KNTC1: variants seen among roughly 807,000 people sequenced by gnomAD.
KNTC1 encodes the protein kinetochore-associated protein 1.
A neutral mutation model predicts 314.4 loss-of-function variants in KNTC1; 253 were observed. That is an observed-to-expected ratio of 0.80 (90% CI 0.73 to 0.89). KNTC1 has a LOEUF of 0.89. Among genes scored for constraint, KNTC1 ranks in the 40% least tolerant of loss-of-function variants. KNTC1 has a pLI of 0.00. For missense variants in KNTC1, 2,475 were observed against 2,572.9 expected, an observed-to-expected ratio of 0.96 and a Z score of 0.82; for synonymous variants, 901 against 901.4, an observed-to-expected ratio of 1.00 and a Z score of 0.01.
rs776314260 is a variant in KNTC1, at chr12:122,573,134, G to A, written c.2140-8G>A. ...CTGTATTTATTCCATCTTTCTTTTGGCATCCAGGAAAATACAACCACCATA... is the reference window on the plus strand; with the variant it reads ...CTGTATTTATTCCATCTTTCTTTTGACATCCAGGAAAATACAACCACCATA... On this transcript the variant is annotated splice_polypyrimidine_tract_variant and splice_region_variant and intron_variant, in intron 25 of 63. Coordinates refer to ENST00000333479, the MANE Select transcript of KNTC1 (RefSeq NM_014708.6). The A allele has an allele frequency of 6.2e-7, 1 of 1,613,468 alleles. No individual in the cohort carries two copies. Among genetic ancestry groups the A allele is most frequent in the Admixed American group, 1.7e-5 (1 of 59,946 alleles).
chr12:122,559,561 C>A (rs7954088), intron 18 of KNTC1, among the ~76,000 whole-genome samples: 20,948 of 134,946 alleles, frequency 0.16, 1,821 homozygotes, highest in African/African-American at 0.25. Flanking sequence ...TTACCATTTT[C>A]ACCTTTTTAA....
intron 1 of KNTC1, among the ~76,000 whole-genome samples, chr12:122,527,893 G>A (rs1960871834): frequency 6.6e-6 from 1 of 152,122 alleles, no homozygotes; most frequent in South Asian, 2.1e-4. Context: ...TCCTTCTTCA[G>A]CGACGCCTCA....
At chr12:122,604,271 C>T (rs538587339) in intron 48 of KNTC1, among the ~76,000 whole-genome samples, 2 of 149,492 alleles carry the variant, frequency 1.3e-5, no homozygotes, top group African/African-American at 4.9e-5. Context: ...CTCAGCCTCT[C>T]GAGTAGCTGG....
intron 53 of KNTC1, among the ~76,000 whole-genome samples, chr12:122,612,607 C>T (rs964337365): frequency 6.0e-5 from 9 of 150,992 alleles, no homozygotes; most frequent in Non-Finnish European, 7.4e-5. Context: ...TTAGTAGAGA[C>T]GTGGGTTTCA....
At chr12:122,612,433 T>A (rs1204181938) in intron 53 of KNTC1, among the ~76,000 whole-genome samples, 1 of 148,134 alleles carries the variant, frequency 6.8e-6, no homozygotes, top group Admixed American at 6.9e-5. Context: ...TTTTTTTTTT[T>A]TGAGAGAGAG....
In KNTC1 at chr12:122,601,607, C is replaced by T. The variant is rs1172774224; in HGVS notation, c.4635C>T (p.Thr1545=). ...KVIERADEKI[T]NININQALSI... Reference sequence around the variant, plus strand: ...TAGAACGAGCTGATGAAAAGATAACCAATATTAATATTAATCAGGTATAAC... The same window carrying T: ...TAGAACGAGCTGATGAAAAGATAACTAATATTAATATTAATCAGGTATAAC... Residue 1545 remains threonine (T), a synonymous_variant, in exon 45 of 64, where the codon ACC becomes ACT. Coordinates refer to ENST00000333479, the MANE Select transcript of KNTC1 (RefSeq NM_014708.6). 2 of 1,526,624 alleles carry T rather than the reference C, an allele frequency of 1.3e-6. No individual in the cohort carries two copies. Among genetic ancestry groups the T allele is most frequent in the Admixed American group, 2.1e-5 (1 of 46,872 alleles). 94.6% of individuals were successfully genotyped at this position (1,526,624 alleles called of 1,614,324 possible). A position where few individuals can be genotyped will look rare whatever the true frequency, so the allele number is the denominator to read the frequency against.
intron 52 of KNTC1, among the ~76,000 whole-genome samples, chr12:122,609,769 C>CAGAT (rs1246506311): frequency 6.6e-6 from 1 of 152,128 alleles, no homozygotes; most frequent in Non-Finnish European, 1.5e-5. Context: ...TGGGTTGGTT[C>CAGAT]AGATATGGGC....
intron 4 of KNTC1, among the ~76,000 whole-genome samples, chr12:122,538,947 A>G (rs543203881): frequency 9.2e-5 from 14 of 152,228 alleles, no homozygotes; most frequent in Non-Finnish European, 1.8e-4. Flanking sequence ...AAATTAGGAA[A>G]TACTTGGTGA....
At chr12:122,565,938 T>C (rs1250713376) in intron 20 of KNTC1, among the ~76,000 whole-genome samples, 1 of 150,924 alleles carries the variant, frequency 6.6e-6, no homozygotes, top group East Asian at 2.0e-4. Context: ...TAGAGTTTCT[T>C]TCTACGTTTC....
intron 20 of KNTC1, among the ~76,000 whole-genome samples, chr12:122,562,948 G>T (rs971944623): frequency 1.3e-5 from 2 of 151,864 alleles, no homozygotes; most frequent in African/African-American, 4.8e-5. Context: ...GGCAGAGGTT[G>T]CAGTGAGCCG....
In KNTC1 at chr12:122,605,017, T is replaced by C. The variant is rs756324902; in HGVS notation, c.5316T>C (p.Leu1772=). 86 of 1,613,314 alleles carry C rather than the reference T, an allele frequency of 5.3e-5. No homozygotes were observed. Among genetic ancestry groups the C allele is most frequent in the Non-Finnish European group, 6.3e-5 (74 of 1,179,700 alleles). The stretch of plus-strand genomic sequence containing the variant: ...GAGTGATCGGAAAGCCAGCACATCT[T>C]ATTGTCAGTCTCTACGAACATCCTA... ...YLRVIGKPAH[L]IVSLYEHPSI... The change falls in exon 50 of 64, where the codon CTT becomes CTC. Residue 1772 remains leucine, a synonymous_variant. Transcript: ENST00000333479.
chr12:122,528,906 G>A (rs1050953548), intron 1 of KNTC1, among the ~76,000 whole-genome samples: 2 of 152,054 alleles, frequency 1.3e-5, no homozygotes, highest in Non-Finnish European at 2.9e-5. Flanking sequence ...CAAGTGGCAC[G>A]ATCTCGACTT....
At chr12:122,571,334 G>A (rs1047939190) in intron 24 of KNTC1, among the ~76,000 whole-genome samples, 2 of 151,424 alleles carry the variant, frequency 1.3e-5, no homozygotes, top group African/African-American at 2.4e-5. Flanking sequence ...TTCAACCTAT[G>A]TTTTTAATTT....
Position 122,582,824 on chromosome 12 carries a change from C to T in KNTC1, c.3102C>T (p.Ser1034=). 1 of 1,611,918 alleles carries T rather than the reference C, an allele frequency of 6.2e-7. No individual in the cohort carries two copies. The highest frequency in any genetic ancestry group is 1.7e-4 in the Middle Eastern group (1 of 6,034). ...CACAGGCGAAACACAAACCTGGGAG[C>T]ACCCCAGAGCCCATAGCTGCTGAGG... ...EVAQAKHKPG[S]TPEPIAAEVR... Residue 1034 remains serine, a synonymous_variant, in exon 34 of 64, where the codon AGC becomes AGT. Coordinates refer to ENST00000333479, the MANE Select transcript of KNTC1 (RefSeq NM_014708.6).
chr12:122,563,648 C>T, intron 20 of KNTC1: 2 of 641,844 alleles, frequency 3.1e-6, no homozygotes, highest in Admixed American at 4.8e-5. Flanking sequence ...GGGCAGATCT[C>T]CATATGTGTA....
chr12:122,610,130 C>T (rs892956885), intron 52 of KNTC1, among the ~76,000 whole-genome samples: 4 of 152,184 alleles, frequency 2.6e-5, no homozygotes, highest in Admixed American at 6.5e-5. Flanking sequence ...ACAAGCAAAG[C>T]TGTCCTAATC....
intron 12 of KNTC1, among the ~76,000 whole-genome samples, chr12:122,548,954 C>T (rs12307488): frequency 0.04 from 6,025 of 151,980 alleles, 412 homozygotes; most frequent in African/African-American, 0.14. Context: ...GCAACAAAAG[C>T]GAAACTCCAT....
At chr12:122,564,247 G>T (rs545665950) in intron 20 of KNTC1, among the ~76,000 whole-genome samples, 1 of 152,242 alleles carries the variant, frequency 6.6e-6, no homozygotes, top group Non-Finnish European at 1.5e-5. Flanking sequence ...AAAGTGCTGG[G>T]ATTACAGGTG....
intron 20 of KNTC1, among the ~76,000 whole-genome samples, chr12:122,566,563 C>G (rs145784988): frequency 2.8e-4 from 42 of 151,916 alleles, no homozygotes; most frequent in African/African-American, 8.9e-4. Flanking sequence ...GCATGCAACA[C>G]TACGTCTGGC....
Sources: allele counts gnomAD v4.1 joint callset (sites outside exome capture counted in the v4.1 genomes callset), GRCh38; gene constraint gnomAD v4.1.1; transcripts MANE v1.5; gene names NCBI Gene and HGNC (gene_info 2026-07-23, HGNC 2026-07-21).